Variants in CFAP299 observed in about 807,000 individuals in gnomAD.
CFAP299 encodes cilia- and flagella-associated protein 299.
CFAP299 carries 21 observed loss-of-function variants against 27.0 expected under a neutral mutation model. That is an observed-to-expected ratio of 0.78 (90% CI 0.55 to 1.12). The LOEUF (loss-of-function observed/expected upper bound fraction) is 1.12, where lower values mean the gene tolerates loss of function less well. CFAP299 is among the 50% of genes most tolerant of loss of function. The pLI, the probability that CFAP299 is intolerant of heterozygous loss-of-function variation, is 0.00. For missense variants in CFAP299, 310 were observed against 276.6 expected (o/e 1.12, Z -0.86); for synonymous variants, 104 against 98.1 (o/e 1.06, Z -0.36).
chr4:80,438,319 A>G (rs1003627861), intron 2 of CFAP299, among the ~76,000 whole-genome samples: 2 of 152,198 alleles, frequency 1.3e-5, no homozygotes, highest in Non-Finnish European at 2.9e-5. Flanking sequence ...AGTAAATGCA[A>G]AGGCCTTGAG....
At chr4:80,478,649 C>A (rs1201990202) in intron 2 of CFAP299, among the ~76,000 whole-genome samples, 1 of 152,052 alleles carries the variant, frequency 6.6e-6, no homozygotes, top group Non-Finnish European at 1.5e-5. Flanking sequence ...TTTGCTTCTG[C>A]ACATAAATGG....
chr4:80,867,028 A>G (rs1292530357), intron 3 of CFAP299, among the ~76,000 whole-genome samples: 3 of 152,148 alleles, frequency 2.0e-5, no homozygotes, highest in East Asian at 3.8e-4. Flanking sequence ...ATTTTTATGT[A>G]TTCATTTTCT....
chr4:80,340,426 T>C (rs897716234), intron 1 of CFAP299, among the ~76,000 whole-genome samples: 2 of 152,158 alleles, frequency 1.3e-5, no homozygotes, highest in Non-Finnish European at 2.9e-5. Context: ...CCCAGGAGTT[T>C]TTCAGTCTCC....
intron 3 of CFAP299, among the ~76,000 whole-genome samples, chr4:80,748,271 TCTTA>T (rs1222908455): frequency 1.3e-5 from 2 of 152,156 alleles, no homozygotes; most frequent in East Asian, 1.9e-4. Context: ...TAATTAGTCC[TCTTA>T]CTTTTATTCT....
chr4:80,598,297 T>C (rs1737160246), intron 3 of CFAP299, among the ~76,000 whole-genome samples: 1 of 152,196 alleles, frequency 6.6e-6, no homozygotes, highest in Non-Finnish European at 1.5e-5. Flanking sequence ...TGGAACACAG[T>C]GTGCTATAGA....
At chr4:80,567,015 TA>T (rs199558331) in intron 2 of CFAP299, among the ~76,000 whole-genome samples, 31 of 146,126 alleles carry the variant, frequency 2.1e-4, no homozygotes, top group African/African-American at 5.0e-4. Flanking sequence ...CTCCTTAAAA[TA>T]AAAAAAAAAC....
At chr4:80,434,690 T>C (rs539615228) in intron 2 of CFAP299, among the ~76,000 whole-genome samples, 98 of 152,294 alleles carry the variant, frequency 6.4e-4, no homozygotes, top group Middle Eastern at 3.4e-3. Flanking sequence ...CAAACCTACA[T>C]CCTAAGACAG....
At chr4:80,668,733 TGTGATGCCTCC>T (rs1290614884) in intron 3 of CFAP299, among the ~76,000 whole-genome samples, 5 of 152,294 alleles carry the variant, frequency 3.3e-5, no homozygotes, top group African/African-American at 9.6e-5. Flanking sequence ...ATTCAAAGGA[TGTGATGCCTCC>T]AGCTTTGTTC....
chr4:80,531,166 G>A (rs1451155614), intron 2 of CFAP299, among the ~76,000 whole-genome samples: 1 of 152,056 alleles, frequency 6.6e-6, no homozygotes, highest in African/African-American at 2.4e-5. Flanking sequence ...TGACAGGAGG[G>A]TAGAAATAGC....
intron 2 of CFAP299, among the ~76,000 whole-genome samples, chr4:80,447,141 T>TTTTG (rs1728669615): frequency 5.5e-5 from 7 of 126,478 alleles, no homozygotes; most frequent in African/African-American, 2.0e-4. Context: ...TTTTTTTTTT[T>TTTTG]TTTTTTTTTT....
chr4:80,553,974 G>A (rs1284056899), intron 2 of CFAP299, among the ~76,000 whole-genome samples: 2 of 152,084 alleles, frequency 1.3e-5, no homozygotes, highest in Non-Finnish European at 2.9e-5. Flanking sequence ...TTCTTTTGCT[G>A]TGTAGAAGGT....
At chr4:80,871,207 C>G (rs899745602) in intron 4 of CFAP299, 8 of 985,396 alleles carry the variant, frequency 8.1e-6, no homozygotes, top group Non-Finnish European at 9.6e-6. Context: ...GAGCCTGACT[C>G]CCATCTCCAC....
At chr4:80,477,436 C>A (rs1313035260) in intron 2 of CFAP299, among the ~76,000 whole-genome samples, 1 of 152,150 alleles carries the variant, frequency 6.6e-6, no homozygotes, top group Non-Finnish European at 1.5e-5. Context: ...CCTGTCGCAA[C>A]TCTTGGTCAT....
chr4:80,436,182 G>T (rs999590698), intron 2 of CFAP299, among the ~76,000 whole-genome samples: 3 of 152,074 alleles, frequency 2.0e-5, no homozygotes, highest in African/African-American at 7.2e-5. Flanking sequence ...TTTTAGTTAG[G>T]ATTTCCAAAA....
intron 3 of CFAP299, among the ~76,000 whole-genome samples, chr4:80,583,979 T>G (rs902935218): frequency 6.6e-6 from 1 of 151,960 alleles, no homozygotes; most frequent in Non-Finnish European, 1.5e-5. Context: ...TTTTTCCCAC[T>G]ATCAGGTCCA....
intron 3 of CFAP299, among the ~76,000 whole-genome samples, chr4:80,802,200 T>A (rs1207617119): frequency 6.6e-6 from 1 of 152,058 alleles, no homozygotes; most frequent in Non-Finnish European, 1.5e-5. Context: ...TTTGCAGGGA[T>A]TGCAAGGATG....
intron 2 of CFAP299, among the ~76,000 whole-genome samples, chr4:80,520,661 A>G (rs1732862925): frequency 1.3e-5 from 2 of 152,204 alleles, no homozygotes; most frequent in African/African-American, 4.8e-5. Flanking sequence ...CTCTCTCTTC[A>G]CGCATAGTGG....
chr4:80,419,832 G>C (rs1484040149), intron 2 of CFAP299, among the ~76,000 whole-genome samples: 1 of 151,956 alleles, frequency 6.6e-6, no homozygotes, highest in Non-Finnish European at 1.5e-5. Context: ...ACTGTATAAG[G>C]GTTTCGTTTT....
chr4:80,651,313 CTTCT>C (rs1235594213), intron 3 of CFAP299, among the ~76,000 whole-genome samples: 9 of 145,554 alleles, frequency 6.2e-5, no homozygotes, highest in South Asian at 4.4e-4. Context: ...TTCTTTCTTT[CTTCT>C]TTCTTTCTCT....
Sources: gnomAD v4.1 joint callset for allele counts (sites outside exome capture counted in the v4.1 genomes callset) on GRCh38, gnomAD v4.1.1 for gene constraint, MANE v1.5 for transcripts, NCBI Gene and HGNC (gene_info 2026-07-23, HGNC 2026-07-21) for gene names.